Variants in KDR observed in about 807,000 individuals in gnomAD.
KDR encodes kinase insert domain receptor.
In KDR, 43 loss-of-function variants were observed where a neutral mutation model predicts 160.9. The ratio of observed to expected loss-of-function variants is 0.27; its 90% CI spans 0.21 to 0.34. The LOEUF (loss-of-function observed/expected upper bound fraction) is 0.34. KDR is among the 10% of genes least tolerant of loss of function. KDR has a pLI of 1.00. For synonymous variants in KDR, 617 were observed against 600.1 expected (o/e 1.03, Z -0.41); for missense variants, 1,469 against 1,666.4 (o/e 0.88, Z 2.06).
At chr4:55,084,565 G>A (rs898042291) in intron 27 of KDR, among the ~76,000 whole-genome samples, 10 of 152,232 alleles carry the variant, frequency 6.6e-5, no homozygotes, top group Non-Finnish European at 1.0e-4. Flanking sequence ...CTCCTAAGAC[G>A]GAGAAACAGG....
chr4:55,108,655 C>T (rs905861225), intron 9 of KDR, among the ~76,000 whole-genome samples: 4 of 151,934 alleles, frequency 2.6e-5, no homozygotes, highest in African/African-American at 9.7e-5. Context: ...AGAATGCATT[C>T]CTGCCACCAT....
chr4:55,120,242 A>G (rs943430937), intron 2 of KDR, among the ~76,000 whole-genome samples: 6 of 152,144 alleles, frequency 3.9e-5, no homozygotes, highest in African/African-American at 1.4e-4. Context: ...GCAATAACCT[A>G]CCCAAGGTCC....
intron 27 of KDR, among the ~76,000 whole-genome samples, chr4:55,085,321 A>C (rs1303503547): frequency 1.3e-5 from 2 of 152,322 alleles, no homozygotes; most frequent in Admixed American, 1.3e-4. Context: ...ATGCTAAGTA[A>C]ATATTTTTCA....
chr4:55,103,918 T>C (rs1720374172), intron 13 of KDR, among the ~76,000 whole-genome samples: 1 of 152,144 alleles, frequency 6.6e-6, no homozygotes, highest in East Asian at 1.9e-4. Flanking sequence ...GCTGCCCAGC[T>C]TTTGCACAAG....
At chr4:55,100,592 G>A (rs116530298) in intron 15 of KDR, among the ~76,000 whole-genome samples, 1,678 of 152,174 alleles carry the variant, frequency 0.011, 21 homozygotes, top group South Asian at 0.045. Flanking sequence ...GTCATTCTGC[G>A]GATTTGCCCT....
Position 55,089,936 on chromosome 4 carries a change from G to C in KDR, c.3192+20C>G, listed in dbSNP as rs200516814. The C allele has an allele frequency of 1.5e-4, 241 of 1,613,530 alleles. No homozygotes were observed. Among genetic ancestry groups the C allele is most frequent in the Non-Finnish European group, 9.2e-5 (108 of 1,179,654 alleles). The stretch of plus-strand genomic sequence containing the variant: ...AATTCTGTTACTTAACCAAGCACTG[G>C]GTTCATATTTGAAACTTACATCTCC... On this transcript the variant is annotated intron_variant, in intron 23 of 29. Transcript: ENST00000263923.
At chr4:55,089,655 G>T (rs762391692) in intron 24 of KDR, 36 bp downstream of exon 24, 1 of 1,562,450 alleles carries the variant, frequency 6.4e-7, no homozygotes, top group Non-Finnish European at 8.8e-7. Flanking sequence ...CTTCCTCTTT[G>T]GAGTCTGGAT....
chr4:55,118,647 G>C lies in KDR; in HGVS notation c.315C>G (p.Tyr105Ter), dbSNP rs752840054. ...GNDTGAYKCF[Y>*]RETDLASVIY... Reference sequence around the variant, plus strand: ...TGACCGAGGCCAAGTCAGTTTCCCGGTAGAAGCACTTGTAGGCTCCAGTGT... The same window carrying C: ...TGACCGAGGCCAAGTCAGTTTCCCGCTAGAAGCACTTGTAGGCTCCAGTGT... Residue 105 changes from tyrosine (Y) to a stop codon, truncating the protein, a stop_gained, in exon 3 of 30, where the codon TAC becomes TAG. Coordinates refer to ENST00000263923, the MANE Select transcript of KDR (RefSeq NM_002253.4). LOFTEE classifies it high-confidence loss of function. The C allele has an allele frequency of 6.2e-7, 1 of 1,614,102 alleles. No homozygotes were observed. The highest frequency in any genetic ancestry group is 8.5e-7 in the Non-Finnish European group (1 of 1,180,010).
intron 21 of KDR, among the ~76,000 whole-genome samples, chr4:55,094,443 C>T (rs1292746172): frequency 6.6e-6 from 1 of 152,150 alleles, no homozygotes; most frequent in Non-Finnish European, 1.5e-5. Flanking sequence ...GGGCAAACCA[C>T]TCTGGGGCTC....
In KDR at chr4:55,105,923, A is replaced by T; in HGVS notation, c.1554T>A (p.Val518=). The T allele has an allele frequency of 6.2e-7, 1 of 1,612,788 alleles. No homozygotes were observed. The change falls in exon 12 of 30, where the codon GTT becomes GTA. Residue 518 remains valine (V), a synonymous_variant. Transcript: ENST00000263923. ...AAGCTGACACATTTGCCGCTTGGAT[A>T]ACAAGGGTACTTACAGTCTGTGCGG... ...EGKNKTVSTL[V]IQAANVSALY... is the part of the protein sequence containing the mutation.
At chr4:55,114,103 T>C in intron 6 of KDR, 23 bp downstream of exon 6, 1 of 1,613,590 alleles carries the variant, frequency 6.2e-7, no homozygotes, top group Non-Finnish European at 8.5e-7. Context: ...TTTGGAGGTC[T>C]GGCTTTGAAT....
chr4:55,106,750 G>A lies in KDR; in HGVS notation c.1473C>T (p.Phe491=). ...TAACTTCAATTTTATTTCCTCCCTGGAAGTCCTCCACACTTCTCCATTCTT... is the reference window on the plus strand; with the variant it reads ...TAACTTCAATTTTATTTCCTCCCTGAAAGTCCTCCACACTTCTCCATTCTT... ...PCEEWRSVED[F]QGGNKIEVNK... is the part of the protein sequence containing the mutation. The change falls in exon 11 of 30, where the codon TTC becomes TTT. Residue 491 remains phenylalanine, a synonymous_variant. Transcript: ENST00000263923. 1 of 1,593,780 alleles carries A rather than the reference G, an allele frequency of 6.3e-7. No individual in the cohort carries two copies. The highest frequency in any genetic ancestry group is 8.6e-7 in the Non-Finnish European group (1 of 1,161,580).
At chr4:55,105,028 G>T in intron 12 of KDR, 44 bp from the exon 13 acceptor site, 1 of 1,494,776 alleles carries the variant, frequency 6.7e-7, no homozygotes, top group Non-Finnish European at 9.3e-7. Context: ...ATTTAACTTG[G>T]TACAGCTCAC....
intron 27 of KDR, among the ~76,000 whole-genome samples, chr4:55,086,850 G>C (rs1719878241): frequency 6.6e-6 from 1 of 152,218 alleles, no homozygotes; most frequent in African/African-American, 2.4e-5. Context: ...CATGCTGTCA[G>C]GGGTTCCATT....
chr4:55,085,277 C>G (rs1719833828), intron 27 of KDR, among the ~76,000 whole-genome samples: 1 of 152,118 alleles, frequency 6.6e-6, no homozygotes, highest in African/African-American at 2.4e-5. Flanking sequence ...AGTGGTCCCT[C>G]CCCCACACAC....
chr4:55,111,624 T>A (rs1484041996), intron 7 of KDR, among the ~76,000 whole-genome samples: 1 of 152,224 alleles, frequency 6.6e-6, no homozygotes. Flanking sequence ...TTCCCTGAAG[T>A]ATTCTGGAAA....
intron 29 of KDR, among the ~76,000 whole-genome samples, chr4:55,080,735 T>A (rs4864950): frequency 0.26 from 39,360 of 152,098 alleles, 6,175 homozygotes; most frequent in African/African-American, 0.44. Flanking sequence ...TGAGAACCCC[T>A]GTCACTCAGC....
intron 22 of KDR, among the ~76,000 whole-genome samples, chr4:55,090,686 T>C (rs1051930466): frequency 6.6e-5 from 10 of 152,168 alleles, no homozygotes; most frequent in Non-Finnish European, 1.0e-4. Context: ...GAGATTCATC[T>C]TGACTTCTTT....
At chr4:55,088,749 C>A (rs1719932659) in intron 26 of KDR, 119 bp downstream of exon 26, 1 of 733,782 alleles carries the variant, frequency 1.4e-6, no homozygotes, top group African/African-American at 1.7e-5. Flanking sequence ...TAGAAGAATA[C>A]AGTAGATTAT....
Sources: allele counts gnomAD v4.1 joint callset (sites outside exome capture counted in the v4.1 genomes callset), GRCh38; gene constraint gnomAD v4.1.1; transcripts MANE v1.5; gene names NCBI Gene and HGNC (gene_info 2026-07-23, HGNC 2026-07-21).